Variants in NKAIN2 observed in about 807,000 individuals in gnomAD.
NKAIN2 encodes sodium/potassium transporting ATPase interacting 2.
A neutral mutation model predicts 32.6 loss-of-function variants in NKAIN2; 14 were observed. That is an observed-to-expected ratio of 0.43 (90% CI 0.28 to 0.67). NKAIN2 has a LOEUF of 0.67. Ranked by LOEUF, NKAIN2 falls within the 30% of genes least tolerant of loss-of-function variation. NKAIN2 has a pLI of 0.17. For synonymous variants in NKAIN2, 80 were observed against 87.2 expected (o/e 0.92, Z 0.46); for missense variants, 198 against 258.3 (o/e 0.77, Z 1.60).
chr6:124,733,784 C>T (rs1776801696), intron 4 of NKAIN2, among the ~76,000 whole-genome samples: 1 of 151,504 alleles, frequency 6.6e-6, no homozygotes, highest in African/African-American at 2.4e-5. Flanking sequence ...TAGAAATATA[C>T]ACATGTATAA....
At chr6:123,814,739 T>C (rs533508709) in intron 1 of NKAIN2, among the ~76,000 whole-genome samples, 1 of 152,306 alleles carries the variant, frequency 6.6e-6, no homozygotes, top group Admixed American at 6.5e-5. Flanking sequence ...ACACACAAAC[T>C]AGGGTCATTG....
chr6:124,743,847 G>A (rs1777336511), intron 4 of NKAIN2, among the ~76,000 whole-genome samples: 1 of 151,708 alleles, frequency 6.6e-6, no homozygotes, highest in Non-Finnish European at 1.5e-5. Flanking sequence ...GAAAATCGGG[G>A]TCAAGAGATT....
At chr6:123,913,979 T>C (rs535676413) in intron 1 of NKAIN2, among the ~76,000 whole-genome samples, 1 of 152,286 alleles carries the variant, frequency 6.6e-6, no homozygotes, top group Admixed American at 6.5e-5. Context: ...TGCTTTTACA[T>C]ATATTACCTC....
chr6:124,493,527 T>G (rs544893734), intron 3 of NKAIN2, among the ~76,000 whole-genome samples: 33 of 152,038 alleles, frequency 2.2e-4, no homozygotes, highest in African/African-American at 7.0e-4. Flanking sequence ...GGGTTTAGCC[T>G]GCTAACATTA....
intron 1 of NKAIN2, among the ~76,000 whole-genome samples, chr6:123,815,933 A>G (rs1433915210): frequency 6.6e-6 from 1 of 152,136 alleles, no homozygotes; most frequent in Non-Finnish European, 1.5e-5. Flanking sequence ...TGGTAGATAT[A>G]CCGTTAATAT....
chr6:124,407,927 T>G (rs1414357970), intron 3 of NKAIN2, among the ~76,000 whole-genome samples: 2 of 150,630 alleles, frequency 1.3e-5, no homozygotes, highest in Non-Finnish European at 3.0e-5. Context: ...GGTTTTGATT[T>G]GCATTTCTCT....
intron 3 of NKAIN2, among the ~76,000 whole-genome samples, chr6:124,614,844 C>T (rs1392993899): frequency 1.3e-5 from 2 of 152,184 alleles, no homozygotes; most frequent in Non-Finnish European, 2.9e-5. Flanking sequence ...AACTGCTCTT[C>T]GTTTCATTCC....
chr6:123,896,412 A>T (rs1004134541), intron 1 of NKAIN2, among the ~76,000 whole-genome samples: 14 of 152,158 alleles, frequency 9.2e-5, no homozygotes, highest in Non-Finnish European at 1.8e-4. Flanking sequence ...AATTTTTTTT[A>T]AAAGACATAT....
intron 1 of NKAIN2, among the ~76,000 whole-genome samples, chr6:123,980,338 T>C (rs1778828240): frequency 1.3e-5 from 2 of 152,300 alleles, no homozygotes; most frequent in Admixed American, 1.3e-4. Flanking sequence ...TGACAAGTTA[T>C]TTTAATCAAA....
intron 1 of NKAIN2, among the ~76,000 whole-genome samples, chr6:124,066,393 C>G (rs866362292): frequency 2.6e-5 from 4 of 152,106 alleles, no homozygotes; most frequent in Non-Finnish European, 5.9e-5. Flanking sequence ...GGTTGTGGCT[C>G]CTGACTGCAC....
In NKAIN2 at chr6:124,136,029, A is replaced by G. The variant is rs1275370985; in HGVS notation, c.55-146976A>G. ...CAGCAGAAAAAAAGCAATAACAAAG[A>G]TCAGAGCAGAAAAAAATGAAATGGA... On this transcript the variant is annotated intron_variant, in intron 1 of 6. Transcript: ENST00000368417. 2.0e-5 allele frequency among the ~76,000 whole-genome samples: 3 copies of G among 152,254 alleles called. No individual in the cohort carries two copies. The East Asian group carries it at 5.8e-4, about 29-fold the overall frequency.
In NKAIN2 at chr6:124,030,008, G is replaced by T. The variant is rs578125413; in HGVS notation, c.54+225754G>T. On this transcript the variant is annotated intron_variant, in intron 1 of 6. Coordinates refer to ENST00000368417, the MANE Select transcript of NKAIN2 (RefSeq NM_001040214.3). ...ATGCTGAGGCAGGCATTTAAGACCA[G>T]CCTGGCCAACATGGTGAAACCCCAT... Among the ~76,000 whole-genome samples, 51 of 152,068 alleles carry T rather than the reference G, an allele frequency of 3.4e-4. No homozygotes were observed. The East Asian group carries it at 9.1e-3, about 27-fold the overall frequency.
At chr6:123,884,505 T>C (rs978816766) in intron 1 of NKAIN2, among the ~76,000 whole-genome samples, 2 of 152,202 alleles carry the variant, frequency 1.3e-5, no homozygotes, top group African/African-American at 4.8e-5. Context: ...TGTGTGTTTC[T>C]TGAAGTAATC....
intron 1 of NKAIN2, among the ~76,000 whole-genome samples, chr6:124,108,315 G>A (rs1275373619): frequency 2.0e-5 from 3 of 151,900 alleles, no homozygotes; most frequent in East Asian, 1.9e-4. Flanking sequence ...TGTGTATATC[G>A]TCTCTGAAGA....
At chr6:124,536,556 C>T (rs1451543602) in intron 3 of NKAIN2, among the ~76,000 whole-genome samples, 1 of 152,014 alleles carries the variant, frequency 6.6e-6, no homozygotes, top group Non-Finnish European at 1.5e-5. Context: ...AATTCCCTTG[C>T]CTGAATTACT....
intron 1 of NKAIN2, among the ~76,000 whole-genome samples, chr6:123,857,927 C>A (rs1775619169): frequency 6.6e-6 from 1 of 150,414 alleles, no homozygotes; most frequent in African/African-American, 2.4e-5. Context: ...ACAAGGCTAA[C>A]CTCCTAAACA....
chr6:124,221,910 G>T (rs772243943), intron 1 of NKAIN2, among the ~76,000 whole-genome samples: 1 of 152,160 alleles, frequency 6.6e-6, no homozygotes, highest in Non-Finnish European at 1.5e-5. Flanking sequence ...GAGGTTACTT[G>T]TCTGTTGAAT....
chr6:124,003,855 C>T (rs1779970716), intron 1 of NKAIN2, among the ~76,000 whole-genome samples: 1 of 152,158 alleles, frequency 6.6e-6, no homozygotes, highest in Admixed American at 6.6e-5. Context: ...ATGGGAAATA[C>T]AGAGTACATG....
intron 1 of NKAIN2, among the ~76,000 whole-genome samples, chr6:124,191,223 T>G (rs2114587616): frequency 6.6e-6 from 1 of 152,298 alleles, no homozygotes; most frequent in Admixed American, 6.5e-5. Context: ...AGATCCAAAT[T>G]TAATCTTCCA....
Sources: allele counts gnomAD v4.1 joint callset (sites outside exome capture counted in the v4.1 genomes callset), GRCh38; gene constraint gnomAD v4.1.1; transcripts MANE v1.5; gene names NCBI Gene and HGNC (gene_info 2026-07-23, HGNC 2026-07-21).